The following PCDHA12 variants were observed in gnomAD, a reference collection of about 807,000 sequenced individuals.
PCDHA12 encodes protocadherin alpha-12.
PCDHA12 carries 44 observed loss-of-function variants against 60.0 expected under a neutral mutation model. That is an observed-to-expected ratio of 0.73 (90% CI 0.58 to 0.94). The LOEUF (loss-of-function observed/expected upper bound fraction) is 0.94. Ranked by LOEUF, PCDHA12 falls within the 40% of genes least tolerant of loss-of-function variation. The pLI, the probability that PCDHA12 is intolerant of heterozygous loss-of-function variation, is 0.00. For synonymous variants in PCDHA12, 569 were observed against 553.0 expected (o/e 1.03, Z -0.40); for missense variants, 1,276 against 1,239.7 (o/e 1.03, Z -0.44).
chr5:140,933,567 A>G lies in PCDHA12; in HGVS notation c.2368-45382A>G, dbSNP rs146986632. ...AATATAAAATAAAAACCAATTAAGA[A>G]GTCTTAATAGTGGGTTTTTAGGTTG... On this transcript the variant is annotated intron_variant, in intron 1 of 3. Coordinates refer to ENST00000398631, the MANE Select transcript of PCDHA12 (RefSeq NM_018903.4). Among the ~76,000 whole-genome samples the G allele has an allele frequency of 5.4e-3, 827 of 152,184 alleles. 4 individuals are homozygous for G. Among genetic ancestry groups the G allele is most frequent in the African/African-American group, 0.019 (796 of 41,566 alleles).
chr5:140,948,497 C>G (rs1181465701), intron 1 of PCDHA12, among the ~76,000 whole-genome samples: 2 of 151,510 alleles, frequency 1.3e-5, no homozygotes, highest in Non-Finnish European at 3.0e-5. Context: ...CTTTCATAGA[C>G]TTTCTATTAA....
intron 1 of PCDHA12, chr5:140,969,073 G>T (rs781937942): frequency 2.5e-6 from 4 of 1,614,092 alleles, no homozygotes; most frequent in South Asian, 2.2e-5. Flanking sequence ...CCAGGATACC[G>T]CATGGCCTCA....
intron 1 of PCDHA12, among the ~76,000 whole-genome samples, chr5:140,943,614 A>G (rs1269579212): frequency 6.6e-6 from 1 of 152,220 alleles, no homozygotes; most frequent in Admixed American, 6.5e-5. Context: ...ACTTTGATTC[A>G]TCTGCATAAG....
chr5:140,900,101 T>C (rs2067753417), intron 1 of PCDHA12, among the ~76,000 whole-genome samples: 1 of 152,180 alleles, frequency 6.6e-6, no homozygotes, highest in African/African-American at 2.4e-5. Flanking sequence ...TGCGCCACCA[T>C]ACCTGGCCTT....
intron 1 of PCDHA12, chr5:140,968,944 G>C (rs782732835): frequency 1.2e-6 from 2 of 1,614,152 alleles, no homozygotes; most frequent in Non-Finnish European, 8.5e-7. Context: ...TCATCATTTT[G>C]AGCATCATCA....
At chr5:141,001,723 A>T (rs936645287) in intron 3 of PCDHA12, among the ~76,000 whole-genome samples, 1 of 152,168 alleles carries the variant, frequency 6.6e-6, no homozygotes, top group Non-Finnish European at 1.5e-5. Flanking sequence ...GGAGCTTGAG[A>T]TATTTTACAA....
rs2066634766 is a variant in PCDHA12, at chr5:140,898,278, G to A, written c.2367+20439G>A. The stretch of plus-strand genomic sequence containing the variant: ...AAGTCCTTGCCCATGCCTAAGTTCT[G>A]AATGGTAATGCCTAGGTTTTCTTCT... On this transcript the variant is annotated intron_variant, in intron 1 of 3. Transcript: ENST00000398631. Among the ~76,000 whole-genome samples, 8 of 152,194 alleles carry A rather than the reference G, an allele frequency of 5.3e-5. No individual in the cohort carries two copies. The South Asian group carries it at 1.7e-3, about 31-fold the overall frequency.
chr5:141,004,124 C>T (rs1225012224), intron 3 of PCDHA12, among the ~76,000 whole-genome samples: 1 of 152,202 alleles, frequency 6.6e-6, no homozygotes, highest in Non-Finnish European at 1.5e-5. Context: ...GGAGTATCTC[C>T]ATGATTCTGC....
At chr5:140,977,911 A>T (rs2096780139) in intron 1 of PCDHA12, among the ~76,000 whole-genome samples, 1 of 152,002 alleles carries the variant, frequency 6.6e-6, no homozygotes, top group Non-Finnish European at 1.5e-5. Flanking sequence ...TTTATCCCCC[A>T]TTTTTTTCAT....
At chr5:140,943,650 C>A (rs2093540673) in intron 1 of PCDHA12, among the ~76,000 whole-genome samples, 1 of 151,974 alleles carries the variant, frequency 6.6e-6, no homozygotes, top group African/African-American at 2.4e-5. Flanking sequence ...ATAAAACCAT[C>A]TATGAACAAT....
intron 1 of PCDHA12, among the ~76,000 whole-genome samples, chr5:140,962,849 T>G (rs1434907172): frequency 6.6e-6 from 1 of 152,214 alleles, no homozygotes; most frequent in Non-Finnish European, 1.5e-5. Context: ...ATATAACTTG[T>G]GCTCGGTTTG....
Position 140,967,485 on chromosome 5 carries a change from C to T in PCDHA12, c.2368-11464C>T, listed in dbSNP as rs781948599. 7 of 1,613,056 alleles carry T rather than the reference C, an allele frequency of 4.3e-6. No individual in the cohort carries two copies. The South Asian group carries it at 5.5e-5, about 13-fold the overall frequency. On this transcript the variant is annotated intron_variant, in intron 1 of 3. Coordinates refer to ENST00000398631, the MANE Select transcript of PCDHA12 (RefSeq NM_018903.4). ...GGGGGCATCCCAGCCCGCTCGGGTA[C>T]GGCACAGATCTCTGTGCGTGTCCTG...
intron 1 of PCDHA12, chr5:140,927,024 G>A (rs1554203920): frequency 6.2e-7 from 1 of 1,612,408 alleles, no homozygotes. Flanking sequence ...CGGACTTGAG[G>A]CTGCCAGCGG....
chr5:140,928,276 G>A (rs2153595075), intron 1 of PCDHA12: 2 of 1,614,172 alleles, frequency 1.2e-6, no homozygotes, highest in South Asian at 1.1e-5. Context: ...TGGCCCTGGG[G>A]CCTCTCTAGG....
chr5:140,930,375 C>T (rs2086761522), intron 1 of PCDHA12: 1 of 151,734 alleles, frequency 6.6e-6, no homozygotes, highest in Non-Finnish European at 1.5e-5. Flanking sequence ...GTTAGTGGCC[C>T]TTGGCATTTC....
chr5:140,939,466 AT>A (rs1364092543), intron 1 of PCDHA12, among the ~76,000 whole-genome samples: 31 of 152,168 alleles, frequency 2.0e-4, no homozygotes, highest in African/African-American at 7.5e-4. Flanking sequence ...TAGGCCTAGA[AT>A]TCTCTTCATG....
At chr5:140,967,306 C>G (rs1554229415) in intron 1 of PCDHA12, 2 of 1,612,350 alleles carry the variant, frequency 1.2e-6, no homozygotes, top group African/African-American at 2.7e-5. Flanking sequence ...TGGGCGCCAA[C>G]TCAGTACAGA....
chr5:140,961,878 C>A (rs2095639757), intron 1 of PCDHA12, among the ~76,000 whole-genome samples: 1 of 150,888 alleles, frequency 6.6e-6, no homozygotes, highest in Non-Finnish European at 1.5e-5. Context: ...AATTGACTTA[C>A]TTACATCAGT....
intron 1 of PCDHA12, among the ~76,000 whole-genome samples, chr5:140,949,671 G>A (rs1316716969): frequency 6.6e-6 from 1 of 151,584 alleles, no homozygotes. Context: ...TTTAAAGTAT[G>A]CCCTTGTTGA....
Sources: gnomAD v4.1 joint callset for allele counts (sites outside exome capture counted in the v4.1 genomes callset) on GRCh38, gnomAD v4.1.1 for gene constraint, MANE v1.5 for transcripts, NCBI Gene and HGNC (gene_info 2026-07-23, HGNC 2026-07-21) for gene names.